CCDC178: variants seen among roughly 807,000 people sequenced by gnomAD.
CCDC178 encodes the protein coiled-coil domain-containing protein 178.
A neutral mutation model predicts 117.4 loss-of-function variants in CCDC178; 126 were observed. That is an observed-to-expected ratio of 1.07 (90% confidence interval 0.93 to 1.24). The LOEUF is 1.24. CCDC178 is among the 50% of genes most tolerant of loss of function. CCDC178 has a pLI of 0.00. For missense variants in CCDC178, 1,030 were observed against 986.9 expected, an observed-to-expected ratio of 1.04 and a Z score of -0.59; for synonymous variants, 283 against 313.4, an observed-to-expected ratio of 0.90 and a Z score of 1.02.
At chr18:33,404,974 A>G (rs1237020142) in intron 3 of CCDC178, among the ~76,000 whole-genome samples, 1 of 152,066 alleles carries the variant, frequency 6.6e-6, no homozygotes, top group African/African-American at 2.4e-5. Flanking sequence ...GAATGGGGAA[A>G]GAATGCTAGT....
intron 7 of CCDC178, among the ~76,000 whole-genome samples, chr18:33,351,219 A>G (rs2062975641): frequency 6.8e-6 from 1 of 147,950 alleles, no homozygotes; most frequent in Non-Finnish European, 1.5e-5. Flanking sequence ...TTTTGAGACA[A>G]AGTCTCACTG....
intron 21 of CCDC178, among the ~76,000 whole-genome samples, chr18:32,976,403 T>C (rs1261595804): frequency 6.6e-6 from 1 of 152,158 alleles, no homozygotes; most frequent in East Asian, 1.9e-4. Flanking sequence ...GTCTGGGTAT[T>C]GGGGGTTCAG....
intron 20 of CCDC178, among the ~76,000 whole-genome samples, chr18:33,147,914 G>A (rs982917105): frequency 6.6e-6 from 1 of 152,174 alleles, no homozygotes; most frequent in African/African-American, 2.4e-5. Flanking sequence ...GCCGGGCAGA[G>A]GGGCTCCTCA....
chr18:33,082,534 C>T (rs896464176), intron 21 of CCDC178, among the ~76,000 whole-genome samples: 2 of 152,062 alleles, frequency 1.3e-5, no homozygotes, highest in Admixed American at 6.5e-5. Context: ...AATTTGGATA[C>T]GGACAAAATT....
At chr18:33,275,735 T>A in intron 12 of CCDC178, among the ~76,000 whole-genome samples, 1 of 150,540 alleles carries the variant, frequency 6.6e-6, no homozygotes. Context: ...ATGGTCAATC[T>A]GGGAAACATT....
intron 10 of CCDC178, among the ~76,000 whole-genome samples, chr18:33,327,653 ACTGGTAT>A (rs1197597921): frequency 2.0e-5 from 3 of 152,060 alleles, no homozygotes; most frequent in Non-Finnish European, 4.4e-5. Flanking sequence ...AATGGGTATG[ACTGGTAT>A]CTTATTGTGG....
chr18:33,064,077 A>T (rs2056973275), intron 21 of CCDC178, among the ~76,000 whole-genome samples: 1 of 152,262 alleles, frequency 6.6e-6, no homozygotes, highest in Admixed American at 6.5e-5. Flanking sequence ...AATGTGAGTT[A>T]CACTAAATGT....
chr18:33,228,234 T>C (rs1350426276), intron 15 of CCDC178, among the ~76,000 whole-genome samples: 1 of 152,196 alleles, frequency 6.6e-6, no homozygotes, highest in African/African-American at 2.4e-5. Context: ...AAGCAAAGTG[T>C]GTGTTTTAGA....
At chr18:33,436,105 A>C (rs2064286700) in intron 2 of CCDC178, among the ~76,000 whole-genome samples, 1 of 152,214 alleles carries the variant, frequency 6.6e-6, no homozygotes, top group African/African-American at 2.4e-5. Flanking sequence ...CATTAAAGTC[A>C]AGAATAATTA....
chr18:33,175,082 G>C (rs1444870055), intron 20 of CCDC178, among the ~76,000 whole-genome samples: 1 of 145,698 alleles, frequency 6.9e-6, no homozygotes, highest in East Asian at 2.0e-4. Flanking sequence ...TTTTCACCAT[G>C]TTGGCGGCTG....
At chr18:33,398,803 A>G (rs1440743087) in intron 3 of CCDC178, among the ~76,000 whole-genome samples, 2 of 152,236 alleles carry the variant, frequency 1.3e-5, no homozygotes, top group Non-Finnish European at 2.9e-5. Flanking sequence ...CTCCAAAAGC[A>G]TATAAAAGTT....
chr18:33,262,139 AT>A (rs2059758196), intron 14 of CCDC178, among the ~76,000 whole-genome samples: 1 of 152,186 alleles, frequency 6.6e-6, no homozygotes, highest in South Asian at 2.1e-4. Context: ...AATTGTTATA[AT>A]TTTTCCACAA....
intron 20 of CCDC178, among the ~76,000 whole-genome samples, chr18:33,180,763 C>G (rs185108381): frequency 6.6e-6 from 1 of 152,136 alleles, no homozygotes; most frequent in Non-Finnish European, 1.5e-5. Context: ...AGTTGCTTTG[C>G]AAATTTCCTT....
At chr18:33,176,085 C>T (rs1282671505) in intron 20 of CCDC178, among the ~76,000 whole-genome samples, 2 of 152,122 alleles carry the variant, frequency 1.3e-5, no homozygotes, top group Admixed American at 6.6e-5. Flanking sequence ...CCTCCAGCTT[C>T]CTATGTATTA....
chr18:32,970,756 T>G (rs998241107), intron 22 of CCDC178, among the ~76,000 whole-genome samples: 3 of 152,028 alleles, frequency 2.0e-5, no homozygotes, highest in Non-Finnish European at 4.4e-5. Context: ...CCAGGGAGAA[T>G]TGAAAGGATT....
intron 20 of CCDC178, among the ~76,000 whole-genome samples, chr18:33,109,708 A>C (rs1008569394): frequency 1.8e-4 from 28 of 151,394 alleles, no homozygotes; most frequent in Middle Eastern, 3.2e-3. Context: ...ATATAATTAC[A>C]ATATAGTACC....
intron 3 of CCDC178, 75 bp downstream of exon 3, chr18:33,411,956 C>T: frequency 1.4e-6 from 1 of 735,368 alleles, no homozygotes; most frequent in East Asian, 2.9e-5. Context: ...TTGCAGTTGC[C>T]CTCCTCTGTA....
At chr18:33,249,442 G>A (rs553677983) in intron 14 of CCDC178, among the ~76,000 whole-genome samples, 3 of 152,134 alleles carry the variant, frequency 2.0e-5, no homozygotes, top group African/African-American at 7.2e-5. Context: ...ATAAATTTTT[G>A]TATAAGGTGT....
At chr18:33,218,353 C>T (rs1411040535) in intron 18 of CCDC178, among the ~76,000 whole-genome samples, 1 of 151,952 alleles carries the variant, frequency 6.6e-6, no homozygotes, top group Non-Finnish European at 1.5e-5. Flanking sequence ...GGATATTAGC[C>T]CTTTGTCAGA....
Sources: gnomAD v4.1 joint callset for allele counts (sites outside exome capture counted in the v4.1 genomes callset) on GRCh38, gnomAD v4.1.1 for gene constraint, MANE v1.5 for transcripts, NCBI Gene and HGNC (gene_info 2026-07-23, HGNC 2026-07-21) for gene names.